The following EIF4G3 variants were observed in gnomAD, a reference collection of about 807,000 sequenced individuals.
EIF4G3 encodes the protein eukaryotic translation initiation factor 4 gamma 3.
EIF4G3 carries 34 observed loss-of-function variants against 186.4 expected under a neutral mutation model. The observed-to-expected ratio is 0.18, with a 90% CI of 0.14 to 0.24. The LOEUF is 0.24. EIF4G3 is among the 10% of genes least tolerant of loss of function. The pLI, the probability that EIF4G3 is intolerant of heterozygous loss-of-function variation, is 1.00. For missense variants in EIF4G3, 1,536 were observed against 1,948.5 expected, an observed-to-expected ratio of 0.79 and a Z score of 3.99; for synonymous variants, 673 against 679.5, an observed-to-expected ratio of 0.99 and a Z score of 0.15.
intron 12 of EIF4G3, among the ~76,000 whole-genome samples, chr1:20,958,690 G>A (rs2096496461): frequency 6.6e-6 from 1 of 152,042 alleles, no homozygotes; most frequent in African/African-American, 2.4e-5. Context: ...TGATAAATGA[G>A]TTCAGTAAAG....
chr1:21,121,147 A>G lies in EIF4G3; in HGVS notation c.-271-31934T>C, dbSNP rs182130632. 4.6e-5 allele frequency among the ~76,000 whole-genome samples: 7 copies of G among 152,210 alleles called. No homozygotes were observed. The East Asian group carries it at 1.2e-3, about 25-fold the overall frequency. On this transcript the variant is annotated intron_variant, in intron 2 of 36. Transcript: ENST00000602326. ...TGCCTAGGCTGGTCTCAAATTCCTG[A>G]GTCTCCCAAAGTGCTGTGATTACAG...
At chr1:21,064,124 C>A (rs1025936654) in intron 3 of EIF4G3, among the ~76,000 whole-genome samples, 2 of 152,126 alleles carry the variant, frequency 1.3e-5, no homozygotes, top group Admixed American at 6.5e-5. Flanking sequence ...AGTGAGGTAT[C>A]CAGACTGTCT....
intron 3 of EIF4G3, among the ~76,000 whole-genome samples, chr1:21,064,273 T>C (rs1353156543): frequency 1.3e-5 from 2 of 152,152 alleles, no homozygotes; most frequent in Non-Finnish European, 2.9e-5. Flanking sequence ...ACACAATCAG[T>C]GAGTGATCAC....
At chr1:20,894,436 A>G (rs1381017853) in intron 17 of EIF4G3, among the ~76,000 whole-genome samples, 2 of 152,226 alleles carry the variant, frequency 1.3e-5, no homozygotes, top group Non-Finnish European at 2.9e-5. Flanking sequence ...GATACCACCA[A>G]TAGAAGTAAG....
rs141664488 is a variant in EIF4G3 at position 20,919,128 on chromosome 1, C to T, written c.1664-14157G>A. 2.1e-3 allele frequency among the ~76,000 whole-genome samples: 316 copies of T among 151,958 alleles called. 3 individuals carry two copies. Among genetic ancestry groups the T allele is most frequent in the Non-Finnish European group, 9.3e-4 (63 of 67,966 alleles). The stretch of plus-strand genomic sequence containing the variant: ...TTAGATGCTTTGTTTTCTTTTTAAC[C>T]GACAGGTATTTTCCTACAGACAGGT... On this transcript the variant is annotated intron_variant, in intron 14 of 36. Transcript: ENST00000602326.
intron 4 of EIF4G3, among the ~76,000 whole-genome samples, chr1:21,045,444 TAGA>T (rs1476725836): frequency 6.6e-6 from 1 of 152,192 alleles, no homozygotes; most frequent in Non-Finnish European, 1.5e-5. Flanking sequence ...TTATATGCTA[TAGA>T]AGGAGTTCCT....
intron 13 of EIF4G3, among the ~76,000 whole-genome samples, chr1:20,947,074 G>T: frequency 6.6e-6 from 1 of 152,132 alleles, no homozygotes; most frequent in Non-Finnish European, 1.5e-5. Context: ...TCCTTGGCTG[G>T]CTGAGGTAGC....
chr1:21,004,482 T>C lies in EIF4G3; in HGVS notation c.-66-1674A>G, dbSNP rs372786768. On this transcript the variant is annotated intron_variant, in intron 4 of 36. Transcript: ENST00000602326. ...ATTGCTACTGAACACTGTTGTTAGT[T>C]TGGGCAACTCATTTATCTTTCCCAC... Among the ~76,000 whole-genome samples, 51 of 152,130 alleles carry C rather than the reference T, an allele frequency of 3.4e-4. 1 individual carries two copies. Among genetic ancestry groups the C allele is most frequent in the African/African-American group, 1.1e-3 (45 of 41,530 alleles).
intron 3 of EIF4G3, among the ~76,000 whole-genome samples, chr1:21,060,474 A>G (rs1219826519): frequency 2.0e-5 from 3 of 152,252 alleles, no homozygotes; most frequent in Non-Finnish European, 4.4e-5. Flanking sequence ...GTAAGGACTT[A>G]GGGTTTTATT....
chr1:21,173,460 G>T (rs1484795543), intron 2 of EIF4G3, among the ~76,000 whole-genome samples: 1 of 152,186 alleles, frequency 6.6e-6, no homozygotes, highest in African/African-American at 2.4e-5. Context: ...GCTGAGGCAG[G>T]CGGATCACCT....
At chr1:21,031,124 C>T (rs946335871) in intron 4 of EIF4G3, among the ~76,000 whole-genome samples, 3 of 151,424 alleles carry the variant, frequency 2.0e-5, no homozygotes, top group South Asian at 2.1e-4. Context: ...AGGTGTGGGC[C>T]GCAGTGAGCC....
Position 21,056,640 on chromosome 1 carries a change from C to G in EIF4G3, c.-195-5646G>C, listed in dbSNP as rs2094573257. 3.9e-5 allele frequency among the ~76,000 whole-genome samples: 6 copies of G among 152,196 alleles called. No individual in the cohort carries two copies. In the South Asian group the frequency reaches 1.2e-3, roughly 31 times the overall value. Reference sequence around the variant, plus strand: ...TAATGATTACTGAATCCTCTATTATCTAGCTAAGGGTTCTTCTCTCTTGGT... The same window carrying G: ...TAATGATTACTGAATCCTCTATTATGTAGCTAAGGGTTCTTCTCTCTTGGT... On this transcript the variant is annotated intron_variant, in intron 3 of 36. Coordinates refer to ENST00000602326, the MANE Select transcript of EIF4G3 (RefSeq NM_001391906.1).
At chr1:21,019,165 G>C (rs980671335) in intron 4 of EIF4G3, among the ~76,000 whole-genome samples, 1 of 152,092 alleles carries the variant, frequency 6.6e-6, no homozygotes, top group Admixed American at 6.6e-5. Context: ...TGGGACTAGA[G>C]GCACGAGTCA....
At chr1:21,098,116 T>C (rs990174921) in intron 2 of EIF4G3, among the ~76,000 whole-genome samples, 1 of 152,064 alleles carries the variant, frequency 6.6e-6, no homozygotes, top group Non-Finnish European at 1.5e-5. Context: ...ATTGATAAAC[T>C]GAACATCATC....
chr1:21,036,906 T>TA (rs1435271178), intron 4 of EIF4G3, among the ~76,000 whole-genome samples: 1 of 152,090 alleles, frequency 6.6e-6, no homozygotes, highest in Non-Finnish European at 1.5e-5. Context: ...TAAAAGCTTA[T>TA]TTATGAGTTA....
chr1:21,126,441 G>A (rs1450681495), intron 2 of EIF4G3, among the ~76,000 whole-genome samples: 1 of 151,926 alleles, frequency 6.6e-6, no homozygotes, highest in Non-Finnish European at 1.5e-5. Flanking sequence ...GAGGTAGGTT[G>A]CTTGAGGCCA....
chr1:21,004,628 G>A (rs1437802684), intron 4 of EIF4G3, among the ~76,000 whole-genome samples: 1 of 151,934 alleles, frequency 6.6e-6, no homozygotes, highest in Admixed American at 6.6e-5. Flanking sequence ...AGGAAACCAA[G>A]GACTGAAAAA....
At chr1:20,930,549 T>G (rs930070076) in intron 14 of EIF4G3, among the ~76,000 whole-genome samples, 1 of 152,082 alleles carries the variant, frequency 6.6e-6, no homozygotes. Flanking sequence ...CTGAGTCACA[T>G]TTTCAGGCTT....
intron 2 of EIF4G3, among the ~76,000 whole-genome samples, chr1:21,137,740 G>T (rs186574000): frequency 6.6e-6 from 1 of 150,734 alleles, no homozygotes; most frequent in East Asian, 2.0e-4. Context: ...AGGATCACTT[G>T]AGCCTGGTGG....
Sources: gnomAD v4.1 joint callset for allele counts (sites outside exome capture counted in the v4.1 genomes callset) on GRCh38, gnomAD v4.1.1 for gene constraint, MANE v1.5 for transcripts, NCBI Gene and HGNC (gene_info 2026-07-23, HGNC 2026-07-21) for gene names.